SLC24A2: variants seen among roughly 807,000 people sequenced by gnomAD.
SLC24A2 encodes sodium/potassium/calcium exchanger 2.
In SLC24A2, 36 loss-of-function variants were observed where a neutral mutation model predicts 62.0. The observed-to-expected ratio is 0.58, with a 90% CI of 0.44 to 0.77. SLC24A2 has a LOEUF of 0.77. Among genes scored for constraint, SLC24A2 ranks in the 30% least tolerant of loss-of-function variants. SLC24A2 has a pLI of 0.00. For missense variants in SLC24A2, 846 were observed against 817.9 expected, an observed-to-expected ratio of 1.03 and a Z score of -0.42; for synonymous variants, 358 against 294.0, an observed-to-expected ratio of 1.22 and a Z score of -2.23.
chr9:19,553,855 G>C (rs1415416491), intron 7 of SLC24A2, among the ~76,000 whole-genome samples: 1 of 152,204 alleles, frequency 6.6e-6, no homozygotes, highest in African/African-American at 2.4e-5. Context: ...TTACAGGGCT[G>C]CTGGCCGGTT....
chr9:20,145,426 T>A, the SLC24A2 span, among the ~76,000 whole-genome samples: 1 of 152,214 alleles, frequency 6.6e-6, no homozygotes, highest in South Asian at 2.1e-4. Context: ...GCCCATAGGA[T>A]CAATTTATAT....
At chr9:20,230,261 G>T in the SLC24A2 span, among the ~76,000 whole-genome samples, 1 of 152,136 alleles carries the variant, frequency 6.6e-6, no homozygotes. Flanking sequence ...TAATGGGATG[G>T]CTGGGTCAAA....
At chr9:19,788,815 G>C in intron 1 of SLC24A2, 70 bp downstream of exon 1, 1 of 985,430 alleles carries the variant, frequency 1.0e-6, no homozygotes, top group Non-Finnish European at 1.2e-6. Context: ...CGGGATGCGC[G>C]CAACCGGGAT....
chr9:19,735,250 G>A lies in SLC24A2; in HGVS notation c.930+50687C>T, dbSNP rs536105993. Reference sequence around the variant, plus strand: ...ACATTTATGCAGCCAAAAGACACATGAAAAGACACTCATCATCACTGGCCA... The same window carrying A: ...ACATTTATGCAGCCAAAAGACACATAAAAAGACACTCATCATCACTGGCCA... On this transcript the variant is annotated intron_variant, in intron 2 of 10. Transcript: ENST00000341998. Among the ~76,000 whole-genome samples the A allele has an allele frequency of 1.4e-3, 218 of 152,146 alleles. 1 individual carries two copies. Among genetic ancestry groups the A allele is most frequent in the Non-Finnish European group, 2.0e-3 (135 of 68,014 alleles).
At chr9:19,781,744 C>A (rs1190435498) in intron 2 of SLC24A2, among the ~76,000 whole-genome samples, 1 of 152,082 alleles carries the variant, frequency 6.6e-6, no homozygotes, top group African/African-American at 2.4e-5. Flanking sequence ...AGTAATACAT[C>A]TTTTTATTTA....
At chr9:19,741,473 A>G (rs1380162976) in intron 2 of SLC24A2, among the ~76,000 whole-genome samples, 2 of 152,190 alleles carry the variant, frequency 1.3e-5, no homozygotes, top group East Asian at 3.9e-4. Context: ...AACAGCCTCA[A>G]CACTCTCTGC....
intron 2 of SLC24A2, among the ~76,000 whole-genome samples, chr9:19,764,117 T>C (rs185098207): frequency 1.1e-4 from 16 of 152,360 alleles, no homozygotes; most frequent in Admixed American, 4.6e-4. Flanking sequence ...TTTATAGTAT[T>C]CTTGGATGGT....
At chr9:20,109,420 A>G in the SLC24A2 span, among the ~76,000 whole-genome samples, 1 of 152,200 alleles carries the variant, frequency 6.6e-6, no homozygotes, top group Non-Finnish European at 1.5e-5. Flanking sequence ...AGAGTGGTTC[A>G]TTGTGCCTAA....
chr9:20,195,740 C>T, the SLC24A2 span, among the ~76,000 whole-genome samples: 1 of 152,002 alleles, frequency 6.6e-6, no homozygotes, highest in Non-Finnish European at 1.5e-5. Flanking sequence ...TAAGTGACTC[C>T]TCAAGATATT....
intron 7 of SLC24A2, among the ~76,000 whole-genome samples, chr9:19,562,609 C>T (rs1321555731): frequency 6.6e-6 from 1 of 151,970 alleles, no homozygotes; most frequent in Admixed American, 6.6e-5. Context: ...GGAACTGGAC[C>T]CCAGTTTTTC....
At chr9:19,874,395 T>C in the SLC24A2 span, among the ~76,000 whole-genome samples, 1 of 152,184 alleles carries the variant, frequency 6.6e-6, no homozygotes, top group East Asian at 1.9e-4. Flanking sequence ...CCCATTCTTA[T>C]TTTTCATCTA....
intron 2 of SLC24A2, among the ~76,000 whole-genome samples, chr9:19,641,016 T>C (rs1818478347): frequency 6.6e-6 from 1 of 152,232 alleles, no homozygotes; most frequent in South Asian, 2.1e-4. Flanking sequence ...GGTTGCTGTG[T>C]AGTTTGGCGG....
At chr9:20,201,680 C>G in the SLC24A2 span, among the ~76,000 whole-genome samples, 1 of 152,002 alleles carries the variant, frequency 6.6e-6, no homozygotes, top group South Asian at 2.1e-4. Flanking sequence ...TTTAATTAGC[C>G]CTTTTATTTT....
At chr9:20,069,651 CT>C in the SLC24A2 span, among the ~76,000 whole-genome samples, 1 of 152,164 alleles carries the variant, frequency 6.6e-6, no homozygotes. Flanking sequence ...TTTTCGTCAC[CT>C]ATGTATACAT....
At chr9:19,862,857 A>C in the SLC24A2 span, among the ~76,000 whole-genome samples, 9 of 152,194 alleles carry the variant, frequency 5.9e-5, no homozygotes, top group African/African-American at 2.2e-4. Context: ...CAAAAAATAA[A>C]AAGCAAGAAA....
chr9:20,292,188 G>T, the SLC24A2 span, among the ~76,000 whole-genome samples: 1 of 152,300 alleles, frequency 6.6e-6, no homozygotes, highest in African/African-American at 2.4e-5. Flanking sequence ...GAAACTGACT[G>T]CAGTACCTCT....
the SLC24A2 span, among the ~76,000 whole-genome samples, chr9:20,049,770 A>G: frequency 6.6e-6 from 1 of 152,322 alleles, no homozygotes; most frequent in Non-Finnish European, 1.5e-5. Context: ...GTTGTCACCC[A>G]TAAACTACAG....
At chr9:20,023,276 A>G in the SLC24A2 span, among the ~76,000 whole-genome samples, 1 of 152,210 alleles carries the variant, frequency 6.6e-6, no homozygotes, top group Non-Finnish European at 1.5e-5. Context: ...AATAAGATCA[A>G]TACACAGAGG....
intron 2 of SLC24A2, among the ~76,000 whole-genome samples, chr9:19,742,578 A>T (rs768970005): frequency 6.6e-6 from 1 of 152,162 alleles, no homozygotes; most frequent in African/African-American, 2.4e-5. Flanking sequence ...TTTTTTAAGT[A>T]TAGGAAGGTT....
Sources: gnomAD v4.1 joint callset for allele counts (sites outside exome capture counted in the v4.1 genomes callset) on GRCh38, gnomAD v4.1.1 for gene constraint, MANE v1.5 for transcripts, NCBI Gene and HGNC (gene_info 2026-07-23, HGNC 2026-07-21) for gene names.